Variants in MCC observed in about 807,000 individuals in gnomAD.
The protein encoded by MCC is colorectal mutant cancer protein.
A neutral mutation model predicts 116.2 loss-of-function variants in MCC; 90 were observed. That is an observed-to-expected ratio of 0.77 (90% CI 0.65 to 0.92). The LOEUF (loss-of-function observed/expected upper bound fraction) is 0.92, where lower values mean the gene tolerates loss of function less well. Among genes scored for constraint, MCC ranks in the 40% least tolerant of loss-of-function variants. The probability of loss-of-function intolerance (pLI) is 0.00; values close to 1 mark genes in which losing one functional copy is unlikely to be tolerated. For missense variants in MCC, 1,516 were observed against 1,312.2 expected (o/e 1.16, Z -2.40); for synonymous variants, 578 against 510.5 (o/e 1.13, Z -1.78).
chr5:113,210,900 C>T (rs1025188194), intron 3 of MCC, among the ~76,000 whole-genome samples: 97 of 152,172 alleles, frequency 6.4e-4, no homozygotes, highest in African/African-American at 2.2e-3. Context: ...TATCAGAAGG[C>T]ATCATCATTC....
intron 1 of MCC, among the ~76,000 whole-genome samples, chr5:113,445,770 A>G (rs1191826092): frequency 1.3e-5 from 2 of 152,176 alleles, no homozygotes; most frequent in Non-Finnish European, 2.9e-5. Context: ...ATATAGAATG[A>G]AAAAATACCC....
intron 3 of MCC, among the ~76,000 whole-genome samples, chr5:113,174,054 G>C (rs923719059): frequency 9.2e-5 from 14 of 152,194 alleles, no homozygotes; most frequent in Non-Finnish European, 1.0e-4. Flanking sequence ...ACTCATGCTT[G>C]AGAACTACAG....
At chr5:113,030,635 G>A (rs540607159) in intron 17 of MCC, among the ~76,000 whole-genome samples, 2 of 152,294 alleles carry the variant, frequency 1.3e-5, no homozygotes, top group Non-Finnish European at 2.9e-5. Flanking sequence ...CCATGATCCT[G>A]CCACTGCACT....
chr5:113,071,217 T>C lies in MCC; in HGVS notation c.1802A>G (p.Lys601Arg). Residue 601 changes from lysine to arginine, a missense_variant, in exon 12 of 19, where the codon AAA becomes AGA. Transcript: ENST00000408903. ...TATGGTCAGGAGGTCATTTTGGGAT[T>C]TGAGGTGCTCAATCCGGCTACAAAG... ...ERLNSRIEHLKSQNDLLTITL... is the reference protein window; with the variant it reads ...ERLNSRIEHLRSQNDLLTITL... The C allele has an allele frequency of 1.2e-6, 2 of 1,614,120 alleles. No homozygotes were observed. Among genetic ancestry groups the C allele is most frequent in the Non-Finnish European group, 8.5e-7 (1 of 1,180,006 alleles).
chr5:113,042,621 T>C (rs1751793457), intron 17 of MCC, among the ~76,000 whole-genome samples: 1 of 151,430 alleles, frequency 6.6e-6, no homozygotes, highest in African/African-American at 2.4e-5. Flanking sequence ...AAAGAATAAA[T>C]TAGTGAGCTG....
intron 2 of MCC, among the ~76,000 whole-genome samples, chr5:113,372,223 T>G (rs913938611): frequency 6.6e-6 from 1 of 152,214 alleles, no homozygotes; most frequent in Non-Finnish European, 1.5e-5. Context: ...TTATGCTGAC[T>G]AAAATGAAGT....
intron 3 of MCC, among the ~76,000 whole-genome samples, chr5:113,253,883 T>C (rs1017371773): frequency 6.6e-6 from 1 of 152,106 alleles, no homozygotes; most frequent in Admixed American, 6.5e-5. Context: ...TTAGAAAGGA[T>C]GAAATGATAA....
chr5:113,038,440 A>G (rs888333745), intron 17 of MCC, among the ~76,000 whole-genome samples: 20 of 152,166 alleles, frequency 1.3e-4, no homozygotes, highest in Non-Finnish European at 2.9e-5. Flanking sequence ...AGGCATATTA[A>G]GAAATGAGCA....
chr5:113,149,993 G>T (rs1759752176), intron 4 of MCC, among the ~76,000 whole-genome samples: 1 of 152,154 alleles, frequency 6.6e-6, no homozygotes, highest in Non-Finnish European at 1.5e-5. Flanking sequence ...TGACCAAAGA[G>T]TCAGTGCAAG....
At chr5:113,379,138 G>A (rs1417005795) in intron 2 of MCC, among the ~76,000 whole-genome samples, 2 of 152,148 alleles carry the variant, frequency 1.3e-5, no homozygotes. Flanking sequence ...TTCTGGGAGT[G>A]GCCTCTGGGT....
intron 2 of MCC, among the ~76,000 whole-genome samples, chr5:113,364,260 A>AAC (rs1768629958): frequency 2.0e-5 from 2 of 101,436 alleles, no homozygotes; most frequent in Admixed American, 8.6e-5. Flanking sequence ...AAAAAAAAAA[A>AAC]CCAGAAAAAA....
At chr5:113,066,102 C>T (rs1163833537) in intron 13 of MCC, among the ~76,000 whole-genome samples, 1 of 152,176 alleles carries the variant, frequency 6.6e-6, no homozygotes, top group Non-Finnish European at 1.5e-5. Context: ...ACATGAACTT[C>T]CCAGTATTAG....
chr5:113,248,473 A>G (rs541444852), intron 3 of MCC, among the ~76,000 whole-genome samples: 1 of 152,354 alleles, frequency 6.6e-6, no homozygotes, highest in Non-Finnish European at 1.5e-5. Context: ...AAGTCGATAC[A>G]GGATGAGCAT....
intron 5 of MCC, among the ~76,000 whole-genome samples, chr5:113,123,835 G>A (rs956408471): frequency 2.0e-5 from 3 of 152,208 alleles, no homozygotes; most frequent in African/African-American, 7.2e-5. Flanking sequence ...AGGGCAGGTT[G>A]TCTGTGAAGA....
In MCC at chr5:113,022,187, A is replaced by T. The variant is rs1750183492; in HGVS notation, c.*5115T>A. 2 of 152,542 alleles carry T rather than the reference A, an allele frequency of 1.3e-5. No individual in the cohort carries two copies. Among genetic ancestry groups the T allele is most frequent in the Non-Finnish European group, 2.9e-5 (2 of 68,048 alleles). 9.4% of individuals were successfully genotyped at this position (152,542 alleles called of 1,614,324 possible). A position where few individuals can be genotyped will look rare whatever the true frequency, so the allele number is the denominator to read the frequency against. ...CTCTGTATAAATAAATGGAGTTTTT[A>T]AAAAACAATTCTATATCAAATAACG... On this transcript the variant is annotated 3_prime_UTR_variant, in exon 19 of 19. Coordinates refer to ENST00000408903, the MANE Select transcript of MCC (RefSeq NM_001085377.2).
intron 1 of MCC, among the ~76,000 whole-genome samples, chr5:113,440,691 T>A (rs1771011355): frequency 6.6e-6 from 1 of 150,742 alleles, no homozygotes; most frequent in Non-Finnish European, 1.5e-5. Context: ...CTAGAAAGAG[T>A]GATGTCTATA....
chr5:113,153,883 G>A (rs1472551655), intron 3 of MCC, among the ~76,000 whole-genome samples: 1 of 152,218 alleles, frequency 6.6e-6, no homozygotes, highest in Non-Finnish European at 1.5e-5. Context: ...TCCAGAGACT[G>A]ACTTGCTTAC....
chr5:113,161,620 A>ATGTGTGTG (rs57962617), intron 3 of MCC, among the ~76,000 whole-genome samples: 120 of 148,434 alleles, frequency 8.1e-4, no homozygotes, highest in Middle Eastern at 3.5e-3. Context: ...GTTTAGATTT[A>ATGTGTGTG]TGTGTGTGTG....
chr5:113,429,807 A>C (rs911690879), intron 1 of MCC, among the ~76,000 whole-genome samples: 8 of 152,232 alleles, frequency 5.3e-5, no homozygotes, highest in Non-Finnish European at 1.2e-4. Context: ...CTGAGAGCTA[A>C]ATAAGCAAAC....
Sources: gnomAD v4.1 joint callset for allele counts (sites outside exome capture counted in the v4.1 genomes callset) on GRCh38, gnomAD v4.1.1 for gene constraint, MANE v1.5 for transcripts, NCBI Gene and HGNC (gene_info 2026-07-23, HGNC 2026-07-21) for gene names.